Variants in CDK6 observed in about 807,000 individuals in gnomAD.
CDK6 encodes the protein cyclin dependent kinase 6.
A neutral mutation model predicts 37.1 loss-of-function variants in CDK6; 6 were observed. The ratio of observed to expected loss-of-function variants is 0.16; its 90% confidence interval spans 0.09 to 0.32. CDK6 has a LOEUF of 0.32. CDK6 is among the 10% of genes least tolerant of loss of function. The pLI is 1.00. For synonymous variants in CDK6, 160 were observed against 161.3 expected (o/e 0.99, Z 0.06); for missense variants, 224 against 418.9 (o/e 0.53, Z 4.06).
intron 3 of CDK6, 105 bp from the exon 4 acceptor site, chr7:92,725,898 G>A (rs1399294525): frequency 8.1e-6 from 8 of 987,618 alleles, no homozygotes; most frequent in Admixed American, 4.5e-5. Flanking sequence ...CTTGGCATGC[G>A]GCAGGCATTT....
chr7:92,625,644 G>A (rs1795911852), intron 5 of CDK6, among the ~76,000 whole-genome samples: 2 of 151,834 alleles, frequency 1.3e-5, no homozygotes, highest in South Asian at 2.1e-4. Context: ...AGGGGACTAA[G>A]TTTCAGATTA....
chr7:92,692,498 T>C (rs1797620414), intron 4 of CDK6, among the ~76,000 whole-genome samples: 1 of 152,012 alleles, frequency 6.6e-6, no homozygotes, highest in African/African-American at 2.4e-5. Flanking sequence ...ATGAAAATTA[T>C]CTTGGGCTGG....
intron 4 of CDK6, among the ~76,000 whole-genome samples, chr7:92,688,581 T>TCACACACACACACA (rs35953301): frequency 9.0e-4 from 115 of 127,576 alleles, no homozygotes; most frequent in Non-Finnish European, 1.6e-3. Flanking sequence ...TACATATACA[T>TCACACACACACACA]CACACACACA....
intron 3 of CDK6, among the ~76,000 whole-genome samples, chr7:92,753,234 G>T (rs1295610207): frequency 6.6e-6 from 1 of 151,970 alleles, no homozygotes; most frequent in Admixed American, 6.6e-5. Context: ...TAAAATCAGA[G>T]ATCAGCAACA....
intron 2 of CDK6, among the ~76,000 whole-genome samples, chr7:92,791,478 A>T (rs1800280668): frequency 6.6e-6 from 1 of 152,194 alleles, no homozygotes; most frequent in Non-Finnish European, 1.5e-5. Context: ...TGCATCACAG[A>T]TGATGGAAAA....
chr7:92,619,310 T>C (rs1359128735), intron 6 of CDK6, among the ~76,000 whole-genome samples: 1 of 152,154 alleles, frequency 6.6e-6, no homozygotes, highest in Non-Finnish European at 1.5e-5. Context: ...AACTTATACA[T>C]TGTATAGATA....
chr7:92,660,134 T>C (rs927833561), intron 5 of CDK6, among the ~76,000 whole-genome samples: 3 of 152,226 alleles, frequency 2.0e-5, no homozygotes, highest in Non-Finnish European at 4.4e-5. Flanking sequence ...GAACCCATTC[T>C]TAGATGTCTG....
intron 4 of CDK6, among the ~76,000 whole-genome samples, chr7:92,685,302 G>T (rs1487223701): frequency 1.3e-5 from 2 of 152,186 alleles, no homozygotes; most frequent in Non-Finnish European, 2.9e-5. Flanking sequence ...AGATACATGT[G>T]TGAACATAAA....
rs1311486311 is a variant in CDK6, at chr7:92,615,131, G to A, written c.*9C>T. The A allele has an allele frequency of 3.1e-6, 5 of 1,613,274 alleles. No individual in the cohort carries two copies. The highest frequency in any genetic ancestry group is 4.2e-6 in the Non-Finnish European group (5 of 1,179,958). On this transcript the variant is annotated 3_prime_UTR_variant, in exon 8 of 8. Coordinates refer to ENST00000424848, the MANE Select transcript of CDK6 (RefSeq NM_001145306.2). ...TCCGCAGGATCAGCTTAAGGCGGCT[G>A]CTGAGGCCTCAGGCTGTATTCAGCT...
chr7:92,784,628 G>C, intron 2 of CDK6, among the ~76,000 whole-genome samples: 1 of 152,314 alleles, frequency 6.6e-6, no homozygotes. Context: ...GTGGCTTTTG[G>C]TGAGAGGATG....
intron 4 of CDK6, among the ~76,000 whole-genome samples, chr7:92,720,371 T>TTAGA (rs1281024018): frequency 3.9e-5 from 6 of 152,262 alleles, no homozygotes; most frequent in Non-Finnish European, 8.8e-5. Context: ...AATATAAACA[T>TTAGA]TAGAATTCTC....
chr7:92,672,747 T>C (rs1478196922), intron 4 of CDK6, among the ~76,000 whole-genome samples: 1 of 152,214 alleles, frequency 6.6e-6, no homozygotes, highest in African/African-American at 2.4e-5. Flanking sequence ...CCTTTTATCC[T>C]TATTGTTTTG....
intron 5 of CDK6, among the ~76,000 whole-genome samples, chr7:92,631,426 T>G (rs1455216966): frequency 2.0e-5 from 3 of 152,140 alleles, no homozygotes; most frequent in Non-Finnish European, 2.9e-5. Context: ...CTCAAAACAA[T>G]CAGAATGAAA....
chr7:92,802,069 T>C (rs1216005256), intron 2 of CDK6, among the ~76,000 whole-genome samples: 3 of 148,590 alleles, frequency 2.0e-5, no homozygotes, highest in Non-Finnish European at 4.5e-5. Flanking sequence ...AAGCGCAATT[T>C]TGCTACACTG....
At chr7:92,748,705 A>C (rs544138919) in intron 3 of CDK6, among the ~76,000 whole-genome samples, 72 of 152,298 alleles carry the variant, frequency 4.7e-4, no homozygotes, top group Non-Finnish European at 9.8e-4. Context: ...TGAAATAAGC[A>C]GATGGTGTCT....
At chr7:92,683,399 T>A (rs1482807983) in intron 4 of CDK6, among the ~76,000 whole-genome samples, 1 of 152,234 alleles carries the variant, frequency 6.6e-6, no homozygotes. Context: ...TAGCAGGTTA[T>A]ATGGTTAGTG....
chr7:92,729,587 T>C (rs1414098365), intron 3 of CDK6, among the ~76,000 whole-genome samples: 1 of 152,200 alleles, frequency 6.6e-6, no homozygotes, highest in Non-Finnish European at 1.5e-5. Flanking sequence ...AAAAAGACTC[T>C]GGACCTTTCT....
chr7:92,695,056 T>G (rs1482737963), intron 4 of CDK6, among the ~76,000 whole-genome samples: 1 of 152,116 alleles, frequency 6.6e-6, no homozygotes, highest in Non-Finnish European at 1.5e-5. Flanking sequence ...GGAAATTCCA[T>G]TCTGTTTCAT....
intron 3 of CDK6, among the ~76,000 whole-genome samples, chr7:92,763,184 A>C (rs1562958502): frequency 6.6e-6 from 1 of 152,266 alleles, no homozygotes; most frequent in Non-Finnish European, 1.5e-5. Context: ...TAGAATGACA[A>C]TTAGAAGAAA....
Sources: allele counts gnomAD v4.1 joint callset (sites outside exome capture counted in the v4.1 genomes callset), GRCh38; gene constraint gnomAD v4.1.1; transcripts MANE v1.5; gene names NCBI Gene and HGNC (gene_info 2026-07-23, HGNC 2026-07-21).